SGCZ: variants seen among roughly 807,000 people sequenced by gnomAD.
The protein encoded by SGCZ is sarcoglycan zeta, also known as zeta-sarcoglycan.
A neutral mutation model predicts 41.3 loss-of-function variants in SGCZ; 40 were observed. The observed-to-expected ratio is 0.97, with a 90% CI of 0.75 to 1.26. The LOEUF (loss-of-function observed/expected upper bound fraction) is 1.26, where lower values mean the gene tolerates loss of function less well. SGCZ is among the 50% of genes most tolerant of loss of function. The pLI, the probability that SGCZ is intolerant of heterozygous loss-of-function variation, is 0.00. For missense variants in SGCZ, 552 were observed against 369.8 expected (o/e 1.49, Z -4.04); for synonymous variants, 206 against 137.5 (o/e 1.50, Z -3.49).
chr8:15,016,601 A>T (rs1254224734), intron 1 of SGCZ, among the ~76,000 whole-genome samples: 1 of 152,202 alleles, frequency 6.6e-6, no homozygotes, highest in African/African-American at 2.4e-5. Context: ...GCTCTATACT[A>T]GGTTAAGAGC....
intron 1 of SGCZ, among the ~76,000 whole-genome samples, chr8:15,046,754 T>A (rs763126010): frequency 6.6e-6 from 1 of 152,026 alleles, no homozygotes; most frequent in Admixed American, 6.6e-5. Context: ...TAGATGTGGA[T>A]ATAGTTACAG....
chr8:15,020,936 A>G (rs1292852175), intron 1 of SGCZ, among the ~76,000 whole-genome samples: 1 of 152,188 alleles, frequency 6.6e-6, no homozygotes, highest in Non-Finnish European at 1.5e-5. Context: ...GGATTAGGAA[A>G]TGAATCTACA....
intron 4 of SGCZ, among the ~76,000 whole-genome samples, chr8:14,208,635 G>A (rs1805696097): frequency 6.6e-6 from 1 of 151,718 alleles, no homozygotes; most frequent in African/African-American, 2.4e-5. Flanking sequence ...TTTTTGGTGT[G>A]AAGATGGTTA....
intron 5 of SGCZ, among the ~76,000 whole-genome samples, chr8:14,130,105 A>G (rs1329570574): frequency 6.6e-6 from 1 of 152,222 alleles, no homozygotes; most frequent in East Asian, 1.9e-4. Context: ...CAATCAAATC[A>G]GTGTGGAACT....
chr8:15,097,852 ATATACGTGTGTGTG>A (rs1285884002), intron 1 of SGCZ, among the ~76,000 whole-genome samples: 5 of 8,750 alleles, frequency 5.7e-4, no homozygotes, highest in Non-Finnish European at 1.1e-3. Context: ...GTATATATAT[ATATACGTGTGTGTG>A]TATATATATA....
chr8:14,574,090 A>G (rs1804638248), intron 1 of SGCZ, among the ~76,000 whole-genome samples: 3 of 152,178 alleles, frequency 2.0e-5, no homozygotes, highest in African/African-American at 7.2e-5. Context: ...TGCTCTAGGA[A>G]TGTGATCAAG....
chr8:14,773,769 G>A (rs933393484), intron 1 of SGCZ, among the ~76,000 whole-genome samples: 8 of 152,174 alleles, frequency 5.3e-5, no homozygotes, highest in Non-Finnish European at 4.4e-5. Flanking sequence ...AAAGTCAGCA[G>A]AGACTCTTAA....
intron 1 of SGCZ, among the ~76,000 whole-genome samples, chr8:14,772,058 C>T (rs965652727): frequency 3.9e-5 from 6 of 152,002 alleles, no homozygotes; most frequent in Non-Finnish European, 8.8e-5. Flanking sequence ...CTTTGAGCAT[C>T]CATAGAACCA....
At chr8:14,592,578 T>A (rs1329145434) in intron 1 of SGCZ, among the ~76,000 whole-genome samples, 1 of 148,782 alleles carries the variant, frequency 6.7e-6, no homozygotes, top group Non-Finnish European at 1.5e-5. Flanking sequence ...TAGCATATTT[T>A]ATTACTTTCC....
chr8:14,664,351 G>C (rs1444575632), intron 1 of SGCZ, among the ~76,000 whole-genome samples: 1 of 152,138 alleles, frequency 6.6e-6, no homozygotes, highest in East Asian at 1.9e-4. Context: ...CTAGAATTAT[G>C]TTAGATTACT....
intron 1 of SGCZ, among the ~76,000 whole-genome samples, chr8:14,946,727 G>A (rs1044560973): frequency 4.7e-5 from 7 of 148,508 alleles, no homozygotes; most frequent in African/African-American, 1.7e-4. Context: ...CCAGGCTGGA[G>A]TGCAGCAGAA....
At chr8:14,894,275 T>C (rs965719698) in intron 1 of SGCZ, among the ~76,000 whole-genome samples, 1 of 152,186 alleles carries the variant, frequency 6.6e-6, no homozygotes, top group Non-Finnish European at 1.5e-5. Flanking sequence ...CTATAGTTAA[T>C]GAATGGTTCT....
chr8:14,469,979 T>C (rs368214821), intron 2 of SGCZ, among the ~76,000 whole-genome samples: 1 of 152,110 alleles, frequency 6.6e-6, no homozygotes, highest in African/African-American at 2.4e-5. Context: ...AGCAAGTTAA[T>C]TGAACCCAAA....
At chr8:15,206,352 T>A (rs1289092641) in intron 1 of SGCZ, among the ~76,000 whole-genome samples, 1 of 152,068 alleles carries the variant, frequency 6.6e-6, no homozygotes. Flanking sequence ...AACTTCAGCA[T>A]TTCTTGAGAG....
At chr8:14,973,633 C>T (rs1313736824) in intron 1 of SGCZ, among the ~76,000 whole-genome samples, 1 of 152,122 alleles carries the variant, frequency 6.6e-6, no homozygotes, top group African/African-American at 2.4e-5. Context: ...AGATCAGTGT[C>T]CCACAATCAA....
intron 1 of SGCZ, among the ~76,000 whole-genome samples, chr8:14,939,346 C>CT (rs998568076): frequency 1.3e-4 from 20 of 152,208 alleles, no homozygotes; most frequent in Non-Finnish European, 2.6e-4. Flanking sequence ...AAGCATCTAC[C>CT]TTGCTCTCAA....
intron 1 of SGCZ, among the ~76,000 whole-genome samples, chr8:15,194,751 G>A (rs1444842433): frequency 1.3e-5 from 2 of 152,234 alleles, no homozygotes; most frequent in Non-Finnish European, 2.9e-5. Context: ...AGTTAGAACA[G>A]GTAAGGAAAC....
chr8:14,635,655 A>G (rs1260230209), intron 1 of SGCZ, among the ~76,000 whole-genome samples: 2 of 151,750 alleles, frequency 1.3e-5, no homozygotes, highest in African/African-American at 4.8e-5. Context: ...CAGTTTGTCC[A>G]ACATATTCAT....
chr8:14,325,719 T>C (rs1193926210), intron 2 of SGCZ, among the ~76,000 whole-genome samples: 24 of 87,836 alleles, frequency 2.7e-4, no homozygotes, highest in African/African-American at 8.9e-4. Flanking sequence ...CATATCTGTA[T>C]ACACACACAC....
Sources: gnomAD v4.1 joint callset for allele counts (sites outside exome capture counted in the v4.1 genomes callset) on GRCh38, gnomAD v4.1.1 for gene constraint, MANE v1.5 for transcripts, NCBI Gene and HGNC (gene_info 2026-07-23, HGNC 2026-07-21) for gene names.